PPIG: variants seen among roughly 807,000 people sequenced by gnomAD.
The protein encoded by PPIG is peptidylprolyl isomerase G.
In PPIG, 26 loss-of-function variants were observed where a neutral mutation model predicts 87.9. That is an observed-to-expected ratio of 0.30 (90% confidence interval 0.22 to 0.41). The LOEUF (loss-of-function observed/expected upper bound fraction) is 0.41, where lower values mean the gene tolerates loss of function less well. Ranked by LOEUF, PPIG falls within the 10% of genes least tolerant of loss-of-function variation. The probability of loss-of-function intolerance (pLI) is 1.00; values close to 1 mark genes in which losing one functional copy is unlikely to be tolerated. For missense variants in PPIG, 722 were observed against 879.4 expected, an observed-to-expected ratio of 0.82 and a Z score of 2.26; for synonymous variants, 308 against 276.5, an observed-to-expected ratio of 1.11 and a Z score of -1.13.
At chr2:169,603,895 T>C in intron 2 of PPIG, 131 bp from the exon 3 acceptor site, 1 of 693,912 alleles carries the variant, frequency 1.4e-6, no homozygotes, top group Non-Finnish European at 2.4e-6. Flanking sequence ...GTGATTTACC[T>C]CATAGAAATA....
intron 1 of PPIG, among the ~76,000 whole-genome samples, chr2:169,596,495 A>G (rs1362592168): frequency 6.6e-6 from 1 of 152,224 alleles, no homozygotes; most frequent in East Asian, 1.9e-4. Context: ...TAATGCCAGC[A>G]GAAAGCTCAC....
chr2:169,613,785 G>T (rs1367760514), intron 7 of PPIG, among the ~76,000 whole-genome samples: 2 of 152,092 alleles, frequency 1.3e-5, no homozygotes, highest in African/African-American at 4.8e-5. Context: ...AATTAGCCAG[G>T]CATGCTGGCA....
chr2:169,623,649 T>C (rs930834804), intron 9 of PPIG, among the ~76,000 whole-genome samples: 3 of 152,226 alleles, frequency 2.0e-5, no homozygotes, highest in African/African-American at 7.2e-5. Flanking sequence ...GATTCATTTC[T>C]ATGGTGACAG....
intron 9 of PPIG, among the ~76,000 whole-genome samples, chr2:169,623,512 G>T (rs770316492): frequency 6.6e-6 from 1 of 152,202 alleles, no homozygotes; most frequent in Non-Finnish European, 1.5e-5. Flanking sequence ...TGGCAACATG[G>T]CGGTAAGTAG....
At chr2:169,607,080 T>G in intron 5 of PPIG, 24 bp from the exon 6 acceptor site, 1 of 1,501,240 alleles carries the variant, frequency 6.7e-7, no homozygotes, top group Non-Finnish European at 9.2e-7. Context: ...CTGAGAGTTA[T>G]AAGAGTATGT....
intron 9 of PPIG, among the ~76,000 whole-genome samples, 173 bp downstream of exon 9, chr2:169,614,897 ATACTTAC>A (rs1685573836): frequency 6.6e-6 from 1 of 152,184 alleles, no homozygotes; most frequent in African/African-American, 2.4e-5. Context: ...AAACTTGTGT[ATACTTAC>A]TGTGAACAAT....
Position 169,608,702 on chromosome 2 carries a change from A to G in PPIG, c.321A>G (p.Glu107=), listed in dbSNP as rs1421453619. ...GTTTCGCTGTTAAACACAACAAAGAATTTCTCTTGTCAATGGCCAACAGAG... is the reference window on the plus strand; with the variant it reads ...GTTTCGCTGTTAAACACAACAAAGAGTTTCTCTTGTCAATGGCCAACAGAG... ...DESFAVKHNK[E]FLLSMANRGK... is the part of the protein sequence containing the mutation. The change falls in exon 7 of 14, where the codon GAA becomes GAG. Residue 107 remains glutamate, a synonymous_variant. Transcript: ENST00000260970. 1 of 1,609,878 alleles carries G rather than the reference A, an allele frequency of 6.2e-7. No homozygotes were observed. The highest frequency in any genetic ancestry group is 2.2e-5 in the East Asian group (1 of 44,784).
chr2:169,632,399 T>C (rs1255582854), intron 11 of PPIG, among the ~76,000 whole-genome samples: 1 of 152,198 alleles, frequency 6.6e-6, no homozygotes, highest in Non-Finnish European at 1.5e-5. Flanking sequence ...TACATAAATC[T>C]ACATTATTAA....
chr2:169,622,299 A>G (rs1422390719), intron 9 of PPIG, among the ~76,000 whole-genome samples: 1 of 152,234 alleles, frequency 6.6e-6, no homozygotes, highest in African/African-American at 2.4e-5. Context: ...AACCATAAAC[A>G]GTAATCATAG....
intron 12 of PPIG, 191 bp downstream of exon 12, chr2:169,633,438 G>C (rs1181049201): frequency 2.6e-5 from 16 of 609,108 alleles, no homozygotes; most frequent in Non-Finnish European, 4.6e-5. Context: ...AAATCCATGA[G>C]ATATGAATAG....
At chr2:169,604,327 G>GTTTTTTTT (rs71006008) in intron 4 of PPIG, 66 bp downstream of exon 4, 8 of 347,438 alleles carry the variant, frequency 2.3e-5, no homozygotes, top group African/African-American at 9.7e-5. Flanking sequence ...TGCTTGCTTG[G>GTTTTTTTT]TTTTTTTTTT....
Position 169,631,888 on chromosome 2 carries a change from A to G in PPIG, c.884A>G (p.Asp295Gly). ...FLMRKSPPKA[D>G]EKERKNRERE... Reference sequence around the variant, plus strand: ...ATGAGAAAAAGTCCTCCTAAAGCTGATGAGAAGGAAAGGAAAAACAGAGAG... The same window carrying G: ...ATGAGAAAAAGTCCTCCTAAAGCTGGTGAGAAGGAAAGGAAAAACAGAGAG... The change falls in exon 11 of 14, where the codon GAT becomes GGT. Residue 295 changes from aspartate (D) to glycine (G), a missense_variant. Around this residue, in one of 4 missense-constraint regions of PPIG, gnomAD observed 142 missense variants for 152.8 expected, o/e 0.93. Coordinates refer to ENST00000260970, the MANE Select transcript of PPIG (RefSeq NM_004792.3). 3 of 1,608,886 alleles carry G rather than the reference A, an allele frequency of 1.9e-6. No individual in the cohort carries two copies. The highest frequency in any genetic ancestry group is 2.6e-6 in the Non-Finnish European group (3 of 1,175,620).
rs538896211 is a variant in PPIG, at chr2:169,621,748, T to A, written c.547+7024T>A. On this transcript the variant is annotated intron_variant, in intron 9 of 13. Transcript: ENST00000260970. Reference sequence around the variant, plus strand: ...CTTGACAACTAATTTTTTTTTTTTTTAATATTTTAGTCTTTAAGGACACTT... The same window carrying A: ...CTTGACAACTAATTTTTTTTTTTTTAAATATTTTAGTCTTTAAGGACACTT... 7.3e-5 allele frequency among the ~76,000 whole-genome samples: 11 copies of A among 151,542 alleles called. No individual in the cohort carries two copies. In the East Asian group the frequency reaches 1.2e-3, roughly 16 times the overall value.
At chr2:169,606,453 A>G (rs1052260426) in intron 5 of PPIG, among the ~76,000 whole-genome samples, 3 of 152,062 alleles carry the variant, frequency 2.0e-5, no homozygotes, top group African/African-American at 7.2e-5. Context: ...TTTGCTGGGC[A>G]TGATGGCACG....
At chr2:169,632,397 T>A (rs1232953553) in intron 11 of PPIG, among the ~76,000 whole-genome samples, 1 of 152,208 alleles carries the variant, frequency 6.6e-6, no homozygotes, top group Non-Finnish European at 1.5e-5. Context: ...ACTACATAAA[T>A]CTACATTATT....
intron 1 of PPIG, among the ~76,000 whole-genome samples, chr2:169,597,005 A>G (rs2592807): frequency 0.4 from 61,358 of 152,016 alleles, 13,027 homozygotes; most frequent in East Asian, 0.58. Context: ...CCCAGCCCAC[A>G]TATTCTTTAT....
At position 169,604,091 on chromosome 2, in the gene PPIG, A is replaced by G; in HGVS notation, c.50A>G (p.Asn17Ser). ...RPRCFFDIAI[N>S]NQPAGRVVFE... ...CGATGTTTTTTTGACATTGCCATTA[A>G]CAATCAACCTGGTAAGAATATTAGT... The change falls in exon 3 of 14, where the codon AAC becomes AGC. Residue 17 changes from asparagine to serine, a missense_variant. Around this residue, in one of 4 missense-constraint regions of PPIG, gnomAD observed 99 missense variants for 215.8 expected, o/e 0.46. Coordinates refer to ENST00000260970, the MANE Select transcript of PPIG (RefSeq NM_004792.3). The G allele has an allele frequency of 1.2e-6, 2 of 1,613,536 alleles. No homozygotes were observed. Among genetic ancestry groups the G allele is most frequent in the Non-Finnish European group, 8.5e-7 (1 of 1,179,488 alleles).
rs1160608018 is a variant in PPIG at position 169,584,446 on chromosome 2, T to G, written c.-114T>G. On this transcript the variant is annotated 5_prime_UTR_variant, in exon 1 of 14. Transcript: ENST00000260970. ...TCTGGCGGCGGTAGATTTGAAGCGC[T>G]TCAAAGGACCGGACCCAGAGAAGAG... The G allele has an allele frequency of 2.1e-6, 1 of 470,846 alleles. No homozygotes were observed. Among genetic ancestry groups the G allele is most frequent in the African/African-American group, 2.0e-5 (1 of 49,996 alleles). 29.2% of individuals were successfully genotyped at this position (470,846 alleles called of 1,614,324 possible). A position where few individuals can be genotyped will look rare whatever the true frequency, so the allele number is the denominator to read the frequency against.
chr2:169,610,916 C>T (rs2105495725), intron 7 of PPIG, among the ~76,000 whole-genome samples: 1 of 152,082 alleles, frequency 6.6e-6, no homozygotes, highest in East Asian at 1.9e-4. Context: ...TTAAACAAAA[C>T]AACTTATGGC....
Sources: gnomAD v4.1 joint callset for allele counts (sites outside exome capture counted in the v4.1 genomes callset) on GRCh38, gnomAD v4.1.1 for gene constraint, gnomAD v4.1.1 regional missense constraint, MANE v1.5 for transcripts, NCBI Gene and HGNC (gene_info 2026-07-23, HGNC 2026-07-21) for gene names.